The following VPS13B variants were observed in gnomAD, a reference collection of about 807,000 sequenced individuals.
The protein encoded by VPS13B is intermembrane lipid transfer protein VPS13B.
A neutral mutation model predicts 426.4 loss-of-function variants in VPS13B; 285 were observed. That is an observed-to-expected ratio of 0.67 (90% CI 0.61 to 0.74). The LOEUF (loss-of-function observed/expected upper bound fraction) is 0.74. Among genes scored for constraint, VPS13B ranks in the 30% least tolerant of loss-of-function variants. The pLI is 0.00. For missense variants in VPS13B, 4,537 were observed against 4,782.6 expected, an observed-to-expected ratio of 0.95 and a Z score of 1.51; for synonymous variants, 1,676 against 1,676.4, an observed-to-expected ratio of 1.00 and a Z score of 0.01.
chr8:99,678,423 T>C (rs1275890247), intron 35 of VPS13B, among the ~76,000 whole-genome samples: 2 of 152,150 alleles, frequency 1.3e-5, no homozygotes, highest in African/African-American at 2.4e-5. Flanking sequence ...CTTACTAGAT[T>C]TGCCTCCCCT....
intron 33 of VPS13B, among the ~76,000 whole-genome samples, chr8:99,587,348 T>C (rs1306450700): frequency 6.6e-6 from 1 of 152,046 alleles, no homozygotes; most frequent in Non-Finnish European, 1.5e-5. Context: ...AGTAATGGGA[T>C]GGCTGGGTCA....
At chr8:99,313,628 AG>A (rs1473485172) in intron 19 of VPS13B, among the ~76,000 whole-genome samples, 2 of 152,028 alleles carry the variant, frequency 1.3e-5, no homozygotes, top group Non-Finnish European at 2.9e-5. Flanking sequence ...GACCCACTTG[AG>A]GGGGCAGTCT....
Position 99,839,413 on chromosome 8 carries a change from A to G in VPS13B, c.9942+3675A>G, listed in dbSNP as rs146448083. ...TCAGGTGCCAAACCCTTTGCCCTAA[A>G]TAAGGCACAATTCCTGCCTTCAAAG... On this transcript the variant is annotated intron_variant, in intron 54 of 61. Transcript: ENST00000357162. 6.2e-3 allele frequency among the ~76,000 whole-genome samples: 943 copies of G among 152,330 alleles called. 9 individuals are homozygous for G. The highest frequency in any genetic ancestry group is 0.022 in the Admixed American group (333 of 15,300).
chr8:99,518,617 T>C (rs959858255), intron 29 of VPS13B, among the ~76,000 whole-genome samples: 2 of 152,220 alleles, frequency 1.3e-5, no homozygotes, highest in Admixed American at 6.5e-5. Flanking sequence ...TTCATGGTTA[T>C]CTTATTCTGG....
chr8:99,259,940 A>G (rs1817957985), intron 17 of VPS13B, among the ~76,000 whole-genome samples: 1 of 152,170 alleles, frequency 6.6e-6, no homozygotes, highest in African/African-American at 2.4e-5. Flanking sequence ...AATGTCAGAT[A>G]ATATATCAGA....
At chr8:99,213,713 A>G (rs1815233510) in intron 17 of VPS13B, among the ~76,000 whole-genome samples, 1 of 152,146 alleles carries the variant, frequency 6.6e-6, no homozygotes, top group African/African-American at 2.4e-5. Flanking sequence ...CATGTCCTCA[A>G]CTTTGCAGTG....
chr8:99,576,865 T>G (rs747672674), intron 32 of VPS13B, among the ~76,000 whole-genome samples: 1 of 152,134 alleles, frequency 6.6e-6, no homozygotes, highest in Non-Finnish European at 1.5e-5. Context: ...TTTAAAGAAG[T>G]GAAATTAATT....
intron 33 of VPS13B, among the ~76,000 whole-genome samples, chr8:99,627,401 T>C (rs1828656645): frequency 6.6e-6 from 1 of 152,112 alleles, no homozygotes; most frequent in East Asian, 1.9e-4. Context: ...TGCCACATTT[T>C]ATTTTATTTT....
intron 58 of VPS13B, among the ~76,000 whole-genome samples, chr8:99,864,871 C>T (rs1817013455): frequency 6.6e-6 from 1 of 152,148 alleles, no homozygotes; most frequent in South Asian, 2.1e-4. Flanking sequence ...GGCTCCAGGC[C>T]TGGAAACAAT....
intron 35 of VPS13B, among the ~76,000 whole-genome samples, chr8:99,664,487 T>G (rs1830381828): frequency 6.6e-6 from 1 of 151,708 alleles, no homozygotes; most frequent in Non-Finnish European, 1.5e-5. Flanking sequence ...CCCACAACAG[T>G]CCCCGGTGTG....
At chr8:99,494,153 T>C (rs1820771390) in intron 25 of VPS13B, among the ~76,000 whole-genome samples, 1 of 152,188 alleles carries the variant, frequency 6.6e-6, no homozygotes. Context: ...TGGTACAATA[T>C]ACACAACATA....
chr8:99,438,880 G>GT (rs1817539213), intron 22 of VPS13B, among the ~76,000 whole-genome samples: 1 of 152,110 alleles, frequency 6.6e-6, no homozygotes, highest in African/African-American at 2.4e-5. Context: ...CTGTGAACAG[G>GT]TTTTATAAAT....
chr8:99,392,468 CT>C (rs2133314712), intron 21 of VPS13B, among the ~76,000 whole-genome samples: 1 of 151,794 alleles, frequency 6.6e-6, no homozygotes, highest in Non-Finnish European at 1.5e-5. Context: ...TTTTCTTTAG[CT>C]TTATTTCTTA....
intron 3 of VPS13B, among the ~76,000 whole-genome samples, chr8:99,072,393 A>T (rs1260120304): frequency 6.6e-6 from 1 of 152,120 alleles, no homozygotes; most frequent in African/African-American, 2.4e-5. Context: ...AGGGCCTGGA[A>T]TGGAGGCCTC....
intron 3 of VPS13B, among the ~76,000 whole-genome samples, chr8:99,075,698 C>T (rs1332661961): frequency 6.6e-6 from 1 of 152,076 alleles, no homozygotes; most frequent in Non-Finnish European, 1.5e-5. Context: ...TCTAGTGACC[C>T]TTTGTCATTT....
chr8:99,781,477 T>A (rs143557241), intron 42 of VPS13B, among the ~76,000 whole-genome samples: 6 of 152,178 alleles, frequency 3.9e-5, no homozygotes, highest in Non-Finnish European at 7.4e-5. Context: ...TCAACATCTA[T>A]GATGTGACGT....
At chr8:99,822,887 G>C (rs1228273951) in intron 50 of VPS13B, among the ~76,000 whole-genome samples, 1 of 152,100 alleles carries the variant, frequency 6.6e-6, no homozygotes, top group Non-Finnish European at 1.5e-5. Context: ...GAAATCCACT[G>C]TACGTTCATG....
At chr8:99,161,663 G>A (rs1811658684) in intron 15 of VPS13B, among the ~76,000 whole-genome samples, 1 of 151,282 alleles carries the variant, frequency 6.6e-6, no homozygotes, top group African/African-American at 2.4e-5. Context: ...GAAGTAAGGT[G>A]TTAGGCAGAG....
intron 33 of VPS13B, among the ~76,000 whole-genome samples, chr8:99,609,598 G>C (rs1353553657): frequency 6.6e-6 from 1 of 152,166 alleles, no homozygotes; most frequent in Non-Finnish European, 1.5e-5. Flanking sequence ...TTGCAGTTTA[G>C]TTGCACATCT....
Sources: allele counts gnomAD v4.1 joint callset (sites outside exome capture counted in the v4.1 genomes callset), GRCh38; gene constraint gnomAD v4.1.1; transcripts MANE v1.5; gene names NCBI Gene and HGNC (gene_info 2026-07-23, HGNC 2026-07-21).